The following SMARCAL1 variants were observed in gnomAD, a reference collection of about 807,000 sequenced individuals.
SMARCAL1 encodes the protein ATP-driven annealing helicase.
Under a neutral mutation model 94.5 loss-of-function variants are expected in SMARCAL1, and 58 were observed. The ratio of observed to expected loss-of-function variants is 0.61; its 90% CI spans 0.50 to 0.76. The LOEUF is 0.76. Among genes scored for constraint, SMARCAL1 ranks in the 30% least tolerant of loss-of-function variants. The pLI is 0.00. For synonymous variants in SMARCAL1, 422 were observed against 455.1 expected, an observed-to-expected ratio of 0.93 and a Z score of 0.93; for missense variants, 1,051 against 1,177.9, an observed-to-expected ratio of 0.89 and a Z score of 1.58.
At chr2:216,458,463 A>G (rs915035908) in intron 12 of SMARCAL1, among the ~76,000 whole-genome samples, 16 of 152,238 alleles carry the variant, frequency 1.1e-4, no homozygotes, top group Non-Finnish European at 2.1e-4. Context: ...ATCCAGCAAC[A>G]CATCAAAAAG....
Position 216,414,717 on chromosome 2 carries a change from C to G in SMARCAL1, c.13C>G (p.Leu5Val). The change falls in exon 3 of 18, where the codon CTT becomes GTT. Residue 5 changes from leucine (L) to valine (V), a missense_variant. Leu to Val is a conservative substitution (Grantham distance 32). This residue lies in a region of SMARCAL1 where 398 missense variants were observed against 395.2 expected (regional missense o/e 1.01). Coordinates refer to ENST00000357276, the MANE Select transcript of SMARCAL1 (RefSeq NM_014140.4). MSLP[L>V]TEEQRKKIEE... The stretch of plus-strand genomic sequence containing the variant: ...TTTCTCTGTGAAAATGTCCTTGCCT[C>G]TTACAGAGGAGCAGAGGAAAAAGAT... The G allele has an allele frequency of 6.2e-7, 1 of 1,614,122 alleles. No individual in the cohort carries two copies. Among genetic ancestry groups the G allele is most frequent in the Non-Finnish European group, 8.5e-7 (1 of 1,179,992 alleles).
intron 9 of SMARCAL1, among the ~76,000 whole-genome samples, chr2:216,436,553 A>G (rs1231049706): frequency 6.6e-6 from 1 of 152,184 alleles, no homozygotes; most frequent in Non-Finnish European, 1.5e-5. Context: ...GCATAAGCAA[A>G]CTTGAGTGTT....
At chr2:216,433,680 C>CT (rs1694013565) in intron 8 of SMARCAL1, among the ~76,000 whole-genome samples, 2 of 152,194 alleles carry the variant, frequency 1.3e-5, no homozygotes, top group South Asian at 4.1e-4. Flanking sequence ...CACCCTTGAG[C>CT]TTTTTTTGCT....
Position 216,419,920 on chromosome 2 carries a change from CT to C in SMARCAL1, c.863-378del, listed in dbSNP as rs1160832492. ...TGGTGCACGCCTGTAGTCCCAGCTA[CT>C]GGGGAGTCTGAGGTGGAGGATAACT... On this transcript the variant is annotated intron_variant, in intron 4 of 17. Coordinates refer to ENST00000357276, the MANE Select transcript of SMARCAL1 (RefSeq NM_014140.4). Among the ~76,000 whole-genome samples, 12 of 148,428 alleles carry C rather than the reference CT, an allele frequency of 8.1e-5. 1 individual carries two copies. Among genetic ancestry groups the C allele is most frequent in the Non-Finnish European group, 1.6e-4 (11 of 67,602 alleles).
chr2:216,415,176 C>G lies in SMARCAL1; in HGVS notation c.472C>G (p.Pro158Ala). ...AQASPEIRFTPFANPTHKPLA... is the reference protein window; with the variant it reads ...AQASPEIRFTAFANPTHKPLA... ...GGCTTCACCTGAGATCAGGTTCACACCCTTTGCTAACCCAACTCATAAGCC... is the reference window on the plus strand; with the variant it reads ...GGCTTCACCTGAGATCAGGTTCACAGCCTTTGCTAACCCAACTCATAAGCC... Residue 158 changes from proline (P) to alanine (A), a missense_variant, in exon 3 of 18, where the codon CCC becomes GCC. Pro to Ala is a conservative substitution (Grantham distance 27, BLOSUM62 -1). Coordinates refer to ENST00000357276, the MANE Select transcript of SMARCAL1 (RefSeq NM_014140.4). The G allele has an allele frequency of 6.2e-7, 1 of 1,613,598 alleles. No individual in the cohort carries two copies. Among genetic ancestry groups the G allele is most frequent in the Non-Finnish European group, 8.5e-7 (1 of 1,179,718 alleles).
intron 16 of SMARCAL1, among the ~76,000 whole-genome samples, chr2:216,477,634 G>A (rs2280042): frequency 0.031 from 4,758 of 152,260 alleles, 152 homozygotes; most frequent in East Asian, 0.16. Context: ...CTGGACCACA[G>A]GGAGAAAGTG....
In SMARCAL1 at chr2:216,414,779, T is replaced by C. The variant is rs1693549782; in HGVS notation, c.75T>C (p.Ala25=). 1.2e-6 allele frequency: 2 copies of C among 1,614,150 alleles called. No homozygotes were observed. The highest frequency in any genetic ancestry group is 2.2e-5 in the East Asian group (1 of 44,882). ...ENRQKALARR[A]EKLLAEQHQR... is the part of the protein sequence containing the mutation. ...GACAAAAGGCTCTGGCCCGCAGAGC[T>C]GAGAAGTTATTGGCAGAACAGCATC... is the stretch of plus-strand genomic sequence containing the variant. The change falls in exon 3 of 18, where the codon GCT becomes GCC. Residue 25 remains alanine (A), a synonymous_variant. Coordinates refer to ENST00000357276, the MANE Select transcript of SMARCAL1 (RefSeq NM_014140.4).
At chr2:216,471,721 G>A (rs188184663) in intron 14 of SMARCAL1, among the ~76,000 whole-genome samples, 35 of 152,224 alleles carry the variant, frequency 2.3e-4, no homozygotes, top group Non-Finnish European at 3.1e-4. Context: ...AAATTAAGGC[G>A]TGCACTCAAT....
At chr2:216,416,348 T>A in intron 4 of SMARCAL1, 41 bp downstream of exon 4, 1 of 1,546,436 alleles carries the variant, frequency 6.5e-7, no homozygotes, top group Non-Finnish European at 8.9e-7. Flanking sequence ...GTGGCACTGG[T>A]GCTGAAAATC....
chr2:216,438,797 C>T (rs1340646152), intron 10 of SMARCAL1, among the ~76,000 whole-genome samples: 1 of 152,136 alleles, frequency 6.6e-6, no homozygotes, highest in Non-Finnish European at 1.5e-5. Context: ...TGGCTTCCTA[C>T]TTAGATAAGA....
At chr2:216,436,791 C>T (rs552472333) in intron 9 of SMARCAL1, among the ~76,000 whole-genome samples, 73 of 152,272 alleles carry the variant, frequency 4.8e-4, no homozygotes, top group South Asian at 1.7e-3. Flanking sequence ...CATCTATTTT[C>T]CCAGTGGCCC....
At position 216,428,814 on chromosome 2, in the gene SMARCAL1, GTTGCTCAAATTTCA is replaced by G. The variant is rs1245287104; in HGVS notation, c.1334+35_1334+48del. On this transcript the variant is annotated intron_variant, in intron 7 of 17. Coordinates refer to ENST00000357276, the MANE Select transcript of SMARCAL1 (RefSeq NM_014140.4). The stretch of plus-strand genomic sequence containing the variant: ...TCTTGATCTTCCTCTCTCTTCCTCT[GTTGCTCAAATTTCA>G]TTACTCACCACAGACTGCATTCAGA... 4 of 1,594,620 alleles carry G rather than the reference GTTGCTCAAATTTCA, an allele frequency of 2.5e-6. No individual in the cohort carries two copies. In the African/African-American group the frequency reaches 5.4e-5, roughly 21 times the overall value.
At chr2:216,445,269 G>A (rs1694284131) in intron 10 of SMARCAL1, among the ~76,000 whole-genome samples, 1 of 152,162 alleles carries the variant, frequency 6.6e-6, no homozygotes, top group Non-Finnish European at 1.5e-5. Context: ...GGGCTGAGCT[G>A]GGAGCAGGCC....
chr2:216,472,784 A>AT (rs34468916), intron 14 of SMARCAL1, among the ~76,000 whole-genome samples: 2 of 149,690 alleles, frequency 1.3e-5, no homozygotes, highest in Non-Finnish European at 1.5e-5. Context: ...GAAAAATAAA[A>AT]TTTTTTTTTT....
At chr2:216,425,786 T>C (rs1693821132) in intron 6 of SMARCAL1, among the ~76,000 whole-genome samples, 1 of 152,172 alleles carries the variant, frequency 6.6e-6, no homozygotes. Flanking sequence ...GGGGTGTGTG[T>C]GCTGATTGGT....
At chr2:216,463,780 T>C (rs986744326) in intron 12 of SMARCAL1, among the ~76,000 whole-genome samples, 2 of 152,178 alleles carry the variant, frequency 1.3e-5, no homozygotes, top group Non-Finnish European at 2.9e-5. Flanking sequence ...CGGTGACTCA[T>C]GCCTGTAATC....
intron 7 of SMARCAL1, among the ~76,000 whole-genome samples, chr2:216,432,022 CTTTT>C: frequency 6.6e-6 from 1 of 152,180 alleles, no homozygotes; most frequent in South Asian, 2.1e-4. Flanking sequence ...TCCTTCCTTT[CTTTT>C]TTTCTTTTTT....
chr2:216,438,271 C>G, intron 9 of SMARCAL1, 149 bp from the exon 10 acceptor site: 1 of 726,394 alleles, frequency 1.4e-6, no homozygotes, highest in Non-Finnish European at 2.5e-6. Context: ...GGGTCCTGAC[C>G]TAGGCCCAGT....
chr2:216,478,588 G>A (rs1393870344), intron 17 of SMARCAL1, among the ~76,000 whole-genome samples: 2 of 152,230 alleles, frequency 1.3e-5, no homozygotes, highest in Non-Finnish European at 2.9e-5. Context: ...GGCAAATGTT[G>A]AATTGTTTCA....
Sources: gnomAD v4.1 joint callset for allele counts (sites outside exome capture counted in the v4.1 genomes callset) on GRCh38, gnomAD v4.1.1 for gene constraint, gnomAD v4.1.1 regional missense constraint, MANE v1.5 for transcripts, NCBI Gene and HGNC (gene_info 2026-07-23, HGNC 2026-07-21) for gene names.